The following ARHGAP10 variants were observed in gnomAD, a reference collection of about 807,000 sequenced individuals.
ARHGAP10 encodes rho GTPase-activating protein 10.
ARHGAP10 carries 87 observed loss-of-function variants against 108.6 expected under a neutral mutation model. The ratio of observed to expected loss-of-function variants is 0.80; its 90% CI spans 0.67 to 0.96. The LOEUF (loss-of-function observed/expected upper bound fraction) is 0.96. Among genes scored for constraint, ARHGAP10 ranks in the 40% least tolerant of loss-of-function variants. The pLI is 0.00. For missense variants in ARHGAP10, 939 were observed against 954.5 expected (o/e 0.98, Z 0.21); for synonymous variants, 347 against 341.1 (o/e 1.02, Z -0.19).
At chr4:147,831,785 G>C (rs1732961207) in intron 3 of ARHGAP10, among the ~76,000 whole-genome samples, 1 of 152,150 alleles carries the variant, frequency 6.6e-6, no homozygotes, top group Non-Finnish European at 1.5e-5. Flanking sequence ...TACTGACTCA[G>C]AATCCTATAG....
At chr4:147,776,116 C>T (rs760913895) in intron 1 of ARHGAP10, among the ~76,000 whole-genome samples, 2 of 152,204 alleles carry the variant, frequency 1.3e-5, no homozygotes, top group Admixed American at 6.5e-5. Flanking sequence ...ATGGCCTCCT[C>T]GTAATCATTA....
rs574792771 is a variant in ARHGAP10, at chr4:147,789,921, A to G, written c.155-32806A>G. 1.9e-3 allele frequency among the ~76,000 whole-genome samples: 287 copies of G among 152,132 alleles called. 4 individuals are homozygous for G. The highest frequency in any genetic ancestry group is 6.6e-4 in the Non-Finnish European group (45 of 68,010). On this transcript the variant is annotated intron_variant, in intron 1 of 22. Transcript: ENST00000336498. ...AAGGCAGGGATTTATGAGGGCTCAC[A>G]TCGGAACCTTTCCTATTAGCAATTA... is the stretch of plus-strand genomic sequence containing the variant.
intron 18 of ARHGAP10, among the ~76,000 whole-genome samples, chr4:148,000,312 A>C (rs966801942): frequency 6.6e-6 from 1 of 152,098 alleles, no homozygotes. Flanking sequence ...ACATTTTCTT[A>C]ATCCAGTCTA....
In ARHGAP10 at chr4:147,899,646, T is replaced by A. The variant is rs533712038; in HGVS notation, c.1035-6992T>A. On this transcript the variant is annotated intron_variant, in intron 10 of 22. Coordinates refer to ENST00000336498, the MANE Select transcript of ARHGAP10 (RefSeq NM_024605.4). ...GTGCTCTATTAGAAACTTTTTTTTT[T>A]GGTGAACAGAAGAAAGAAGTTACTA... is the stretch of plus-strand genomic sequence containing the variant. Among the ~76,000 whole-genome samples the A allele has an allele frequency of 3.9e-5, 6 of 152,246 alleles. No homozygotes were observed. In the South Asian group the frequency reaches 1.2e-3, roughly 32 times the overall value.
At chr4:148,058,998 C>G (rs754136363) in intron 20 of ARHGAP10, among the ~76,000 whole-genome samples, 1 of 152,224 alleles carries the variant, frequency 6.6e-6, no homozygotes, top group Non-Finnish European at 1.5e-5. Flanking sequence ...GCGTCAGGAA[C>G]AGTCAGGTAG....
chr4:147,866,751 C>T lies in ARHGAP10; in HGVS notation c.637C>T (p.Gln213Ter). Reference protein sequence around the residue: ...FFQGMFTFYHQGHELAKDFNH... With the variant: ...FFQGMFTFYH ...TCAGGGGATGTTTACCTTCTATCAT[C>T]AGGGCCATGAACTTGCCAAAGACTT... Residue 213 changes from glutamine (Q) to a stop codon, truncating the protein, a stop_gained, in exon 7 of 23, where the codon CAG becomes TAG. Transcript: ENST00000336498. LOFTEE classifies it high-confidence loss of function. The T allele has an allele frequency of 6.2e-7, 1 of 1,613,772 alleles. No homozygotes were observed. The highest frequency in any genetic ancestry group is 8.5e-7 in the Non-Finnish European group (1 of 1,179,836).
At chr4:147,987,930 C>T (rs184793047) in intron 18 of ARHGAP10, among the ~76,000 whole-genome samples, 1 of 152,338 alleles carries the variant, frequency 6.6e-6, no homozygotes, top group Admixed American at 6.5e-5. Flanking sequence ...TTTAATAAAT[C>T]CACTTTTACT....
rs182463713 is a variant in ARHGAP10, at chr4:147,781,596, A to G, written c.155-41131A>G. Among the ~76,000 whole-genome samples the G allele has an allele frequency of 3.6e-4, 55 of 152,156 alleles. No individual in the cohort carries two copies. In the East Asian group the frequency reaches 9.7e-3, roughly 27 times the overall value. Reference sequence around the variant, plus strand: ...CTTATTATGACTATGTTGCCATACTAAATGTTTTACTAAGAATATCGTTAA... The same window carrying G: ...CTTATTATGACTATGTTGCCATACTGAATGTTTTACTAAGAATATCGTTAA... On this transcript the variant is annotated intron_variant, in intron 1 of 22. Coordinates refer to ENST00000336498, the MANE Select transcript of ARHGAP10 (RefSeq NM_024605.4).
chr4:147,836,979 T>C (rs990144024), intron 3 of ARHGAP10, among the ~76,000 whole-genome samples: 3 of 152,236 alleles, frequency 2.0e-5, no homozygotes, highest in African/African-American at 4.8e-5. Context: ...TGAAAACACG[T>C]TGGCCTCCTA....
At chr4:147,768,773 C>G (rs893188065) in intron 1 of ARHGAP10, among the ~76,000 whole-genome samples, 7 of 144,632 alleles carry the variant, frequency 4.8e-5, no homozygotes, top group Admixed American at 1.4e-4. Context: ...GAATCTTGCT[C>G]TGTCACCCAG....
chr4:148,043,614 A>AATATATATATATATATATATATATAT lies in ARHGAP10; in HGVS notation c.1868-3265_1868-3240dup, dbSNP rs57931206. ...GACAACATAGGGAGACCCTCTCTCTAATATATATATATATATATATATATA... is the reference window on the plus strand; with the variant it reads ...GACAACATAGGGAGACCCTCTCTCTAATATATATATATATATATATATATATATATATATATATATATATATATATA... On this transcript the variant is annotated intron_variant, in intron 19 of 22. Transcript: ENST00000336498. Among the ~76,000 whole-genome samples the AATATATATATATATATATATATATAT allele has an allele frequency of 1.1e-3, 63 of 54,974 alleles. 2 individuals are homozygous for AATATATATATATATATATATATATAT. Among genetic ancestry groups the AATATATATATATATATATATATATAT allele is most frequent in the Non-Finnish European group, 1.6e-3 (41 of 25,046 alleles). The allele number at this position is 54,974 out of a possible 152,430, so 36.1% of individuals were successfully genotyped here.
At chr4:148,011,700 G>C (rs1741176668) in intron 18 of ARHGAP10, among the ~76,000 whole-genome samples, 1 of 152,152 alleles carries the variant, frequency 6.6e-6, no homozygotes, top group African/African-American at 2.4e-5. Context: ...CAGAGAATTT[G>C]TGGCCATGTT....
chr4:147,761,493 G>C (rs1037440869), intron 1 of ARHGAP10, among the ~76,000 whole-genome samples: 1 of 152,216 alleles, frequency 6.6e-6, no homozygotes, highest in Non-Finnish European at 1.5e-5. Flanking sequence ...CAACCTTGTG[G>C]GTCTGAAGCA....
In ARHGAP10 at chr4:147,875,025, G is replaced by A. The variant is rs776974905; in HGVS notation, c.707G>A (p.Arg236Gln). The change falls in exon 8 of 23, where the codon CGG (arginine) becomes CAG (glutamine). Residue 236 changes from arginine to glutamine, a missense_variant. Coordinates refer to ENST00000336498, the MANE Select transcript of ARHGAP10 (RefSeq NM_024605.4). ...MELQINIQNT[R>Q]NRFEGTRSEV... Reference sequence around the variant, plus strand: ...GTGTTTTTTAATCCATTTCAGACACGGAATCGATTTGAAGGAACAAGGTCA... The same window carrying A: ...GTGTTTTTTAATCCATTTCAGACACAGAATCGATTTGAAGGAACAAGGTCA... The A allele has an allele frequency of 7.3e-5, 115 of 1,581,168 alleles. No homozygotes were observed. The highest frequency in any genetic ancestry group is 8.6e-5 in the Non-Finnish European group (101 of 1,170,074).
intron 1 of ARHGAP10, 100 bp downstream of exon 1, chr4:147,732,555 G>A: frequency 2.0e-6 from 3 of 1,507,300 alleles, no homozygotes; most frequent in South Asian, 2.5e-5. Flanking sequence ...GGGGCCAGCA[G>A]CCAGAGGAAC....
At position 147,912,039 on chromosome 4, in the gene ARHGAP10, G is replaced by GTGTGTGTGTA. The variant is rs1553962354; in HGVS notation, c.1163-1034_1163-1033insGTGTGTGTAT. On this transcript the variant is annotated intron_variant, in intron 12 of 22. Transcript: ENST00000336498. ...TGTGTGTGTGTGTGTGTGTGTGTGT[G>GTGTGTGTGTA]TATAGTTTTCTTTAACTGAGCTGCT... Among the ~76,000 whole-genome samples the GTGTGTGTGTA allele has an allele frequency of 1.1e-4, 13 of 121,822 alleles. No homozygotes were observed. The East Asian group carries it at 1.2e-3, about 11-fold the overall frequency. 79.9% of individuals were successfully genotyped at this position (121,822 alleles called of 152,430 possible).
chr4:147,822,798 G>C lies in ARHGAP10; in HGVS notation c.226G>C (p.Val76Leu), dbSNP rs775922280. The change falls in exon 2 of 23, where the codon GTG becomes CTG. Residue 76 changes from valine to leucine, a missense_variant. Val to Leu is a conservative substitution (Grantham distance 32, BLOSUM62 1). Transcript: ENST00000336498. ...TAAGTTTGAGTTTATCGGTGATGCT[G>C]TGACAGATGATGAACGATGCATAGG... ...DFKFEFIGDA[V>L]TDDERCIDAS... 1.9e-6 allele frequency: 3 copies of C among 1,614,226 alleles called. No individual in the cohort carries two copies. The East Asian group carries it at 6.7e-5, about 36-fold the overall frequency.
chr4:147,906,898 T>A lies in ARHGAP10; in HGVS notation c.1116+179T>A, dbSNP rs551810354. 8.3e-4 allele frequency among the ~76,000 whole-genome samples: 127 copies of A among 152,354 alleles called. 1 individual carries two copies. Among genetic ancestry groups the A allele is most frequent in the Non-Finnish European group, 1.3e-3 (91 of 68,028 alleles). Reference sequence around the variant, plus strand: ...TGGGTTGGGCAAGCAGCAGTACATATAAGACTAGTGTATCATTAGTTTTTA... The same window carrying A: ...TGGGTTGGGCAAGCAGCAGTACATAAAAGACTAGTGTATCATTAGTTTTTA... On this transcript the variant is annotated intron_variant, in intron 11 of 22. Coordinates refer to ENST00000336498, the MANE Select transcript of ARHGAP10 (RefSeq NM_024605.4).
chr4:147,868,807 A>G (rs1324986463), intron 7 of ARHGAP10, among the ~76,000 whole-genome samples: 2 of 152,054 alleles, frequency 1.3e-5, no homozygotes, highest in Non-Finnish European at 1.5e-5. Context: ...TCATGCTCCT[A>G]TGAGAATCTG....
Sources: allele counts gnomAD v4.1 joint callset (sites outside exome capture counted in the v4.1 genomes callset), GRCh38; gene constraint gnomAD v4.1.1; transcripts MANE v1.5; gene names NCBI Gene and HGNC (gene_info 2026-07-23, HGNC 2026-07-21).